The following ANKRD13D variants were observed in gnomAD, a reference collection of about 807,000 sequenced individuals.
ANKRD13D encodes the protein ankyrin repeat domain-containing protein 13D.
In ANKRD13D, 24 loss-of-function variants were observed where a neutral mutation model predicts 68.8. That is an observed-to-expected ratio of 0.35 (90% CI 0.25 to 0.49). The LOEUF is 0.49. Among genes scored for constraint, ANKRD13D ranks in the 20% least tolerant of loss-of-function variants. ANKRD13D has a pLI of 0.99. For synonymous variants in ANKRD13D, 331 were observed against 336.1 expected (o/e 0.98, Z 0.16); for missense variants, 735 against 832.1 (o/e 0.88, Z 1.44).
chr11:67,291,657 G>C lies in ANKRD13D; in HGVS notation c.452G>C (p.Gly151Ala), dbSNP rs1410961347. The change falls in exon 5 of 15, where the codon GGT becomes GCT. Residue 151 changes from glycine (G) to alanine (A), a missense_variant. Transcript: ENST00000511455. ...GATGTGTACCGCGTGTGGAAGCGGGGTGAGAGCCTGCGAGTAGACACCAGT... is the reference window on the plus strand; with the variant it reads ...GATGTGTACCGCGTGTGGAAGCGGGCTGAGAGCCTGCGAGTAGACACCAGT... The part of the protein sequence containing the change: ...PSDVYRVWKR[G>A]ESLRVDTSLL... 6.2e-7 allele frequency: 1 copy of C among 1,614,142 alleles called. No homozygotes were observed. Among genetic ancestry groups the C allele is most frequent in the South Asian group, 1.1e-5 (1 of 91,088 alleles).
intron 6 of ANKRD13D, among the ~76,000 whole-genome samples, chr11:67,292,551 C>T (rs1042179246): frequency 3.0e-4 from 46 of 151,984 alleles, no homozygotes; most frequent in Non-Finnish European, 4.3e-4. Flanking sequence ...AGCCTAGGAA[C>T]CTGACCCTTC....
In ANKRD13D at chr11:67,299,451, A is replaced by C; in HGVS notation, c.799-79A>C. ...TCTCATCTGTCTCTGGGACAGGAGGACCTGGGTTCTGCACTGGTGAGGCTG... is the reference window on the plus strand; with the variant it reads ...TCTCATCTGTCTCTGGGACAGGAGGCCCTGGGTTCTGCACTGGTGAGGCTG... On this transcript the variant is annotated intron_variant, in intron 7 of 14. Coordinates refer to ENST00000511455, the MANE Select transcript of ANKRD13D (RefSeq NM_207354.3). The surrounding 1 kb of genome is among the most constrained non-coding windows in gnomAD (Gnocchi z 6.2). The C allele has an allele frequency of 8.3e-7, 1 of 1,201,714 alleles. No homozygotes were observed. Among genetic ancestry groups the C allele is most frequent in the South Asian group, 1.4e-5 (1 of 72,590 alleles). 74.4% of individuals were successfully genotyped at this position (1,201,714 alleles called of 1,614,324 possible).
At chr11:67,289,755 C>T in intron 1 of ANKRD13D, 1 of 1,417,014 alleles carries the variant, frequency 7.1e-7, no homozygotes, top group Non-Finnish European at 9.2e-7. Context: ...TGGGCCTTGC[C>T]CTGCTCGCCC....
Position 67,302,260 on chromosome 11 carries a change from G to C in ANKRD13D, c.1746G>C (p.Glu582Asp), listed in dbSNP as rs1195829683. 6.4e-7 allele frequency: 1 copy of C among 1,570,786 alleles called. No individual in the cohort carries two copies. The highest frequency in any genetic ancestry group is 1.3e-5 in the African/African-American group (1 of 74,138). Residue 582 changes from glutamate (E) to aspartate (D), a missense_variant, in exon 15 of 15, where the codon GAG becomes GAC. Transcript: ENST00000511455. ...ALELSSREQEERERRGQQEEE... is the reference protein window; with the variant it reads ...ALELSSREQEDRERRGQQEEE... The stretch of plus-strand genomic sequence containing the variant: ...AGTTGTCTTCACGGGAGCAGGAGGA[G>C]CGGGAGCGGCGCGGGCAGCAGGAGG...
intron 5 of ANKRD13D, 114 bp from the exon 6 acceptor site, chr11:67,291,877 G>A: frequency 6.0e-6 from 9 of 1,507,762 alleles, no homozygotes; most frequent in Non-Finnish European, 8.0e-6. Context: ...GCATCCAGGG[G>A]CCAAGACTGA....
chr11:67,296,528 T>C (rs746109879), intron 6 of ANKRD13D, among the ~76,000 whole-genome samples: 6 of 152,252 alleles, frequency 3.9e-5, no homozygotes, highest in Admixed American at 1.3e-4. Flanking sequence ...GGTGTACAGC[T>C]ATCATTGTAT....
intron 6 of ANKRD13D, among the ~76,000 whole-genome samples, chr11:67,292,458 A>C (rs1340016003): frequency 1.3e-5 from 2 of 152,110 alleles, no homozygotes; most frequent in African/African-American, 4.8e-5. Flanking sequence ...ACAAAGATTT[A>C]GGCTGTGGTT....
At position 67,300,967 on chromosome 11, in the gene ANKRD13D, A is replaced by C. The variant is rs1417960433; in HGVS notation, c.1074-23A>C. On this transcript the variant is annotated intron_variant, in intron 10 of 14. Transcript: ENST00000511455. The surrounding 1 kb of genome is among the most constrained non-coding windows in gnomAD (Gnocchi z 4.3). ...AAGGGCCACCAGCCGTGCCTCACCCATGTCCTGTGGTCGGCTGGGCAGGTT... is the reference window on the plus strand; with the variant it reads ...AAGGGCCACCAGCCGTGCCTCACCCCTGTCCTGTGGTCGGCTGGGCAGGTT... 4 of 1,612,852 alleles carry C rather than the reference A, an allele frequency of 2.5e-6. No homozygotes were observed. The highest frequency in any genetic ancestry group is 2.7e-5 in the African/African-American group (2 of 74,926).
In ANKRD13D at chr11:67,299,784, C is replaced by T. The variant is rs375761844; in HGVS notation, c.881-43C>T. On this transcript the variant is annotated intron_variant, in intron 8 of 14. Transcript: ENST00000511455. This position sits in a 1 kb window ranked among gnomAD's most constrained non-coding sequence, Gnocchi z 6.2. ...GGGGTGGAGGTGGGCAGGGGCGATG[C>T]GAGCATTGTGACCCCTTACCAGCTC... The T allele has an allele frequency of 2.5e-4, 382 of 1,532,794 alleles. No individual in the cohort carries two copies. The African/African-American group carries it at 4.6e-3, about 19-fold the overall frequency. 94.9% of individuals were successfully genotyped at this position (1,532,794 alleles called of 1,614,324 possible). A position where few individuals can be genotyped will look rare whatever the true frequency, so the allele number is the denominator to read the frequency against.
intron 3 of ANKRD13D, 200 bp downstream of exon 3, chr11:67,290,646 C>G (rs548906174): frequency 2.6e-6 from 2 of 781,368 alleles, no homozygotes; most frequent in East Asian, 5.8e-5. Context: ...GAGACTGGAC[C>G]CTTTGGAAGA....
intron 6 of ANKRD13D, among the ~76,000 whole-genome samples, chr11:67,296,423 C>T (rs1433037109): frequency 3.3e-5 from 5 of 150,550 alleles, no homozygotes; most frequent in African/African-American, 1.2e-4. Context: ...ACTTGTTATC[C>T]ATCTATTCAG....
intron 6 of ANKRD13D, among the ~76,000 whole-genome samples, chr11:67,294,160 A>G (rs1322071116): frequency 3.3e-5 from 5 of 152,228 alleles, no homozygotes; most frequent in Non-Finnish European, 2.9e-5. Context: ...TTGAAATTGG[A>G]AAGTGTGAGT....
At chr11:67,289,963 C>CT in intron 1 of ANKRD13D, 115 bp from the exon 2 acceptor site, 3 of 1,460,292 alleles carry the variant, frequency 2.1e-6, no homozygotes, top group Non-Finnish European at 2.7e-6. Context: ...TGCCATCTCC[C>CT]TGGTCAGTCC....
At chr11:67,292,830 C>T (rs1473092727) in intron 6 of ANKRD13D, among the ~76,000 whole-genome samples, 1 of 152,174 alleles carries the variant, frequency 6.6e-6, no homozygotes, top group African/African-American at 2.4e-5. Context: ...TCCCCTCTCC[C>T]AGTCCTAAGC....
At chr11:67,296,171 G>T (rs907318585) in intron 6 of ANKRD13D, among the ~76,000 whole-genome samples, 5 of 152,164 alleles carry the variant, frequency 3.3e-5, no homozygotes, top group African/African-American at 1.2e-4. Flanking sequence ...ATATTGGTCT[G>T]TAGTTTTCTT....
intron 1 of ANKRD13D, 87 bp downstream of exon 1, chr11:67,289,637 C>T (rs1860449074): frequency 1.4e-6 from 1 of 711,074 alleles, no homozygotes; most frequent in African/African-American, 2.1e-5. Context: ...CCCCCCCCCC[C>T]GCCCGCTCAG....
At chr11:67,295,451 A>C (rs1365595096) in intron 6 of ANKRD13D, among the ~76,000 whole-genome samples, 1 of 149,072 alleles carries the variant, frequency 6.7e-6, no homozygotes, top group African/African-American at 2.5e-5. Flanking sequence ...CAGGCTGGGC[A>C]TAGTGGTTCA....
At chr11:67,292,942 T>C (rs984760109) in intron 6 of ANKRD13D, among the ~76,000 whole-genome samples, 1 of 152,238 alleles carries the variant, frequency 6.6e-6, no homozygotes, top group Non-Finnish European at 1.5e-5. Flanking sequence ...CTTCTTTCAC[T>C]TAGTATAATA....
At chr11:67,290,763 A>T in intron 3 of ANKRD13D, 1 of 301,088 alleles carries the variant, frequency 3.3e-6, no homozygotes, top group African/African-American at 2.1e-5. Context: ...ACTTGCTACT[A>T]CGCACCCTTC....
Sources: gnomAD v4.1 joint callset for allele counts (sites outside exome capture counted in the v4.1 genomes callset) on GRCh38, gnomAD v4.1.1 for gene constraint, Gnocchi (gnomAD v3.1) non-coding constraint, MANE v1.5 for transcripts, NCBI Gene and HGNC (gene_info 2026-07-23, HGNC 2026-07-21) for gene names.